KIAA1217: variants seen among roughly 807,000 people sequenced by gnomAD.
KIAA1217 encodes KIAA1217, also known as sickle tail protein homolog.
A neutral mutation model predicts 163.9 loss-of-function variants in KIAA1217; 88 were observed. That is an observed-to-expected ratio of 0.54 (90% CI 0.45 to 0.64). The LOEUF is 0.64. KIAA1217 is among the 30% of genes least tolerant of loss of function. The pLI is 0.00. For synonymous variants in KIAA1217, 903 were observed against 923.1 expected (o/e 0.98, Z 0.39); for missense variants, 2,372 against 2,475.0 (o/e 0.96, Z 0.88).
At chr10:23,894,349 G>C (rs1841575473) in intron 1 of KIAA1217, among the ~76,000 whole-genome samples, 1 of 151,950 alleles carries the variant, frequency 6.6e-6, no homozygotes, top group South Asian at 2.1e-4. Context: ...ACCAGCAACA[G>C]ACAAACAGAG....
chr10:24,426,785 G>C (rs2059207817), intron 3 of KIAA1217, among the ~76,000 whole-genome samples: 1 of 152,232 alleles, frequency 6.6e-6, no homozygotes, highest in African/African-American at 2.4e-5. Context: ...GTGGTGAGAA[G>C]TGCGTGGCGC....
rs1331201635 is a variant in KIAA1217, at chr10:24,433,213, T to A, written c.752+20T>A. The A allele has an allele frequency of 3.2e-6, 5 of 1,586,304 alleles. No individual in the cohort carries two copies. In the African/African-American group the frequency reaches 4.0e-5, roughly 13 times the overall value. ...TGTAAGGTAAGTTGTGACATCATTT[T>A]TTGCCTGCCATTTTGCCTTAGAGTT... is the stretch of plus-strand genomic sequence containing the variant. On this transcript the variant is annotated intron_variant, in intron 4 of 20. Coordinates refer to ENST00000376454, the MANE Select transcript of KIAA1217 (RefSeq NM_019590.5).
intron 1 of KIAA1217, among the ~76,000 whole-genome samples, chr10:23,957,943 A>C (rs1397111710): frequency 1.3e-5 from 2 of 152,240 alleles, no homozygotes; most frequent in Admixed American, 6.5e-5. Context: ...AGCACCCCAC[A>C]TACAAGAGTT....
intron 2 of KIAA1217, among the ~76,000 whole-genome samples, chr10:24,013,045 A>G (rs1315565269): frequency 6.6e-6 from 1 of 152,182 alleles, no homozygotes; most frequent in Non-Finnish European, 1.5e-5. Context: ...ACAGAGTGAC[A>G]ATAAATTTGA....
At chr10:24,476,541 GA>G (rs1442617139) in intron 6 of KIAA1217, among the ~76,000 whole-genome samples, 2 of 151,928 alleles carry the variant, frequency 1.3e-5, no homozygotes, top group Non-Finnish European at 2.9e-5. Flanking sequence ...AACAATATAA[GA>G]AAAACTGACA....
chr10:24,413,384 C>T (rs535255088), intron 3 of KIAA1217, among the ~76,000 whole-genome samples: 1 of 152,242 alleles, frequency 6.6e-6, no homozygotes, highest in South Asian at 2.1e-4. Context: ...ATTGGTCAGG[C>T]TGGTCTCCTA....
At chr10:23,709,361 A>G (rs1837085564) in intron 1 of KIAA1217, among the ~76,000 whole-genome samples, 1 of 151,168 alleles carries the variant, frequency 6.6e-6, no homozygotes, top group Non-Finnish European at 1.5e-5. Flanking sequence ...TCGTCTTTAT[A>G]AAATAGTTTT....
At chr10:23,995,181 G>T (rs535746687) in intron 1 of KIAA1217, among the ~76,000 whole-genome samples, 1 of 152,142 alleles carries the variant, frequency 6.6e-6, no homozygotes, top group Non-Finnish European at 1.5e-5. Context: ...GGGTGGCTCT[G>T]TTCCTCGGGG....
chr10:23,863,013 G>A (rs185720155), intron 1 of KIAA1217, among the ~76,000 whole-genome samples: 121 of 152,078 alleles, frequency 8.0e-4, no homozygotes, highest in African/African-American at 2.7e-3. Context: ...GATTCTTAGC[G>A]ACCCTTAATA....
chr10:23,899,521 C>G (rs1315386903), intron 1 of KIAA1217, among the ~76,000 whole-genome samples: 1 of 152,050 alleles, frequency 6.6e-6, no homozygotes, highest in African/African-American at 2.4e-5. Flanking sequence ...AGAAAGTATT[C>G]TATATCCAGA....
At chr10:23,767,534 G>C (rs1177675077) in intron 1 of KIAA1217, among the ~76,000 whole-genome samples, 1 of 152,142 alleles carries the variant, frequency 6.6e-6, no homozygotes, top group East Asian at 1.9e-4. Context: ...CTAGGAGTTT[G>C]AGACCAGACT....
At chr10:23,715,506 G>T (rs1837510556) in intron 1 of KIAA1217, among the ~76,000 whole-genome samples, 1 of 152,088 alleles carries the variant, frequency 6.6e-6, no homozygotes, top group Non-Finnish European at 1.5e-5. Flanking sequence ...TTACTATTGA[G>T]TATGATGAGA....
chr10:23,853,500 C>T (rs1321734159), intron 1 of KIAA1217, among the ~76,000 whole-genome samples: 5 of 152,134 alleles, frequency 3.3e-5, no homozygotes, highest in Non-Finnish European at 5.9e-5. Context: ...CTCTGCCTGG[C>T]TTTGGTATCA....
At chr10:23,937,625 T>C (rs1368563598) in intron 1 of KIAA1217, among the ~76,000 whole-genome samples, 4 of 152,284 alleles carry the variant, frequency 2.6e-5, no homozygotes, top group African/African-American at 9.6e-5. Context: ...AGAGGCTCCA[T>C]AGAACGGCCC....
intron 1 of KIAA1217, among the ~76,000 whole-genome samples, chr10:23,794,066 A>G (rs1836086611): frequency 6.6e-6 from 1 of 152,228 alleles, no homozygotes; most frequent in Non-Finnish European, 1.5e-5. Context: ...GTAAGATCAT[A>G]GAATTTTGAG....
At chr10:23,986,486 T>C (rs1317913630) in intron 1 of KIAA1217, among the ~76,000 whole-genome samples, 1 of 152,260 alleles carries the variant, frequency 6.6e-6, no homozygotes, top group Admixed American at 6.5e-5. Flanking sequence ...TCTAGATTAC[T>C]TACAATATCT....
At chr10:24,539,613 A>G (rs565413426) in intron 17 of KIAA1217, among the ~76,000 whole-genome samples, 7 of 152,286 alleles carry the variant, frequency 4.6e-5, no homozygotes, top group African/African-American at 1.4e-4. Context: ...TCAGTTGAGG[A>G]TCCACTGGCT....
At chr10:23,720,014 T>C (rs1435179474) in intron 1 of KIAA1217, among the ~76,000 whole-genome samples, 1 of 151,914 alleles carries the variant, frequency 6.6e-6, no homozygotes, top group Non-Finnish European at 1.5e-5. Flanking sequence ...TGCCAGGGCC[T>C]GGGGAGAAGG....
At chr10:24,167,576 A>C (rs2065417264) in intron 2 of KIAA1217, among the ~76,000 whole-genome samples, 2 of 152,070 alleles carry the variant, frequency 1.3e-5, no homozygotes, top group Non-Finnish European at 2.9e-5. Context: ...CTCGCTTCTG[A>C]GAGCTAAGTG....
Sources: gnomAD v4.1 joint callset for allele counts (sites outside exome capture counted in the v4.1 genomes callset) on GRCh38, gnomAD v4.1.1 for gene constraint, MANE v1.5 for transcripts, NCBI Gene and HGNC (gene_info 2026-07-23, HGNC 2026-07-21) for gene names.